The following LEKR1 variants were observed in gnomAD, a reference collection of about 807,000 sequenced individuals.
LEKR1 encodes protein LEKR1.
Under a neutral mutation model 72.4 loss-of-function variants are expected in LEKR1, and 59 were observed. The observed-to-expected ratio is 0.82, with a 90% CI of 0.66 to 1.01. The LOEUF is 1.01. Ranked by LOEUF, LEKR1 falls within the 50% of genes least tolerant of loss-of-function variation. The pLI, the probability that LEKR1 is intolerant of heterozygous loss-of-function variation, is 0.00. For missense variants in LEKR1, 728 were observed against 759.2 expected (o/e 0.96, Z 0.48); for synonymous variants, 257 against 263.2 (o/e 0.98, Z 0.23).
intron 6 of LEKR1, among the ~76,000 whole-genome samples, chr3:156,947,267 C>G (rs992342652): frequency 3.3e-5 from 5 of 151,096 alleles, no homozygotes; most frequent in Admixed American, 6.6e-5. Context: ...ACTGCTTTTG[C>G]TGGATCCCAT....
chr3:156,859,458 G>C (rs1277419082), intron 3 of LEKR1, among the ~76,000 whole-genome samples: 1 of 151,988 alleles, frequency 6.6e-6, no homozygotes, highest in African/African-American at 2.4e-5. Context: ...ATTTTTTAGA[G>C]CAGTTTTAAG....
chr3:157,040,820 G>A (rs1735288389), intron 12 of LEKR1, among the ~76,000 whole-genome samples: 1 of 152,120 alleles, frequency 6.6e-6, no homozygotes, highest in Non-Finnish European at 1.5e-5. Flanking sequence ...TTGCTTTCCT[G>A]GCATGTTCCC....
intron 3 of LEKR1, among the ~76,000 whole-genome samples, chr3:156,893,078 T>C (rs1219727460): frequency 6.6e-6 from 1 of 152,214 alleles, no homozygotes; most frequent in African/African-American, 2.4e-5. Flanking sequence ...GATTATGCCT[T>C]GGCTGTCAAG....
chr3:156,966,995 G>A (rs973151017), intron 6 of LEKR1, among the ~76,000 whole-genome samples: 13 of 152,250 alleles, frequency 8.5e-5, no homozygotes, highest in Admixed American at 2.0e-4. Flanking sequence ...TGCAGCCTCC[G>A]CTGCTGATAC....
rs79247940 is a variant in LEKR1 at position 156,921,167 on chromosome 3, C to T, written c.383+473C>T. On this transcript the variant is annotated intron_variant, in intron 4 of 12. Coordinates refer to ENST00000356539, the MANE Select transcript of LEKR1 (RefSeq NM_001004316.3). ...TATAATACCTAAAGATAAAATCCAG[C>T]GTTCTAAAGAAACTAAGAAGTACAT... is the stretch of plus-strand genomic sequence containing the variant. 8.3e-3 allele frequency: 1,269 copies of T among 152,068 alleles called. 6 individuals carry two copies. Among genetic ancestry groups the T allele is most frequent in the Non-Finnish European group, 0.012 (830 of 67,972 alleles). 9.4% of individuals were successfully genotyped at this position (152,068 alleles called of 1,614,324 possible).
intron 7 of LEKR1, among the ~76,000 whole-genome samples, chr3:156,982,837 A>ATG: frequency 7.0e-6 from 1 of 143,056 alleles, no homozygotes; most frequent in African/African-American, 2.8e-5. Flanking sequence ...ATATATATGA[A>ATG]TATGTGTGTG....
chr3:157,038,048 T>C (rs1735088573), intron 12 of LEKR1, among the ~76,000 whole-genome samples: 1 of 152,180 alleles, frequency 6.6e-6, no homozygotes, highest in African/African-American at 2.4e-5. Context: ...CTAGGTGTGA[T>C]AGAAAGCCAC....
At chr3:157,025,046 T>C in intron 11 of LEKR1, 122 bp downstream of exon 11, 1 of 638,410 alleles carries the variant, frequency 1.6e-6, no homozygotes, top group Non-Finnish European at 2.6e-6. Flanking sequence ...CACTGTGTCT[T>C]GGTTTTAGCT....
At chr3:156,958,161 T>C (rs535450435) in intron 6 of LEKR1, among the ~76,000 whole-genome samples, 1 of 152,156 alleles carries the variant, frequency 6.6e-6, no homozygotes. Flanking sequence ...TTGGTTTTTT[T>C]GTTTTGTTTT....
At chr3:157,044,897 G>C (rs1279166444) in intron 12 of LEKR1, among the ~76,000 whole-genome samples, 1 of 152,038 alleles carries the variant, frequency 6.6e-6, no homozygotes, top group East Asian at 1.9e-4. Flanking sequence ...TGTTATTATA[G>C]TATACCTTCA....
At chr3:157,032,959 A>G (rs1734723564) in intron 12 of LEKR1, among the ~76,000 whole-genome samples, 1 of 152,112 alleles carries the variant, frequency 6.6e-6, no homozygotes, top group African/African-American at 2.4e-5. Context: ...TTTCATTATT[A>G]TTATATCTGT....
At chr3:156,920,044 C>T (rs868400135) in intron 3 of LEKR1, among the ~76,000 whole-genome samples, 3 of 152,038 alleles carry the variant, frequency 2.0e-5, no homozygotes, top group African/African-American at 7.2e-5. Context: ...TGCCCCTTTC[C>T]ACTTTCTGCC....
At position 157,045,469 on chromosome 3, in the gene LEKR1, T is replaced by C; in HGVS notation, c.1798T>C (p.Cys600Arg). Residue 600 changes from cysteine (C) to arginine (R), a missense_variant, in exon 13 of 13, where the codon TGT (cysteine) becomes CGT (arginine). Transcript: ENST00000356539. ...TCGTGGAAGTTTACCATTCTCACCG[T>C]GTTCCCTCAGCAAGGGCAGCCTAAC... ...KLRGSLPFSPCSLSKGSLTSP... is the reference protein window; with the variant it reads ...KLRGSLPFSPRSLSKGSLTSP... 1 of 1,614,168 alleles carries C rather than the reference T, an allele frequency of 6.2e-7. No individual in the cohort carries two copies. Among genetic ancestry groups the C allele is most frequent in the Non-Finnish European group, 8.5e-7 (1 of 1,180,014 alleles).
At chr3:156,886,033 T>C (rs935085297) in intron 3 of LEKR1, among the ~76,000 whole-genome samples, 2 of 152,180 alleles carry the variant, frequency 1.3e-5, no homozygotes, top group African/African-American at 4.8e-5. Flanking sequence ...AGAGTTTCTG[T>C]GTTTTGTGTT....
chr3:156,932,528 C>A (rs1002551887), intron 5 of LEKR1, among the ~76,000 whole-genome samples: 2 of 152,006 alleles, frequency 1.3e-5, no homozygotes, highest in Non-Finnish European at 2.9e-5. Flanking sequence ...GCCTGGGCAA[C>A]ATGGCAAAGC....
chr3:156,988,954 C>A (rs1429347038), intron 7 of LEKR1, among the ~76,000 whole-genome samples: 2 of 152,082 alleles, frequency 1.3e-5, no homozygotes, highest in Non-Finnish European at 2.9e-5. Context: ...GCCTCAGCCT[C>A]CCGAGTAGCT....
chr3:156,896,168 G>C (rs143895897), intron 3 of LEKR1, among the ~76,000 whole-genome samples: 25 of 152,246 alleles, frequency 1.6e-4, no homozygotes, highest in African/African-American at 4.3e-4. Context: ...GAGAACACAT[G>C]GGGGGAAAGA....
chr3:156,868,614 T>C (rs1717575003), intron 3 of LEKR1, among the ~76,000 whole-genome samples: 1 of 152,046 alleles, frequency 6.6e-6, no homozygotes, highest in Non-Finnish European at 1.5e-5. Context: ...GAATGTGTAA[T>C]GATCAAGTCA....
intron 6 of LEKR1, among the ~76,000 whole-genome samples, chr3:156,946,399 G>A (rs1294271131): frequency 6.6e-6 from 1 of 151,400 alleles, no homozygotes; most frequent in Non-Finnish European, 1.5e-5. Context: ...AGGATAATTT[G>A]ACTTCTTCCT....
Sources: gnomAD v4.1 joint callset for allele counts (sites outside exome capture counted in the v4.1 genomes callset) on GRCh38, gnomAD v4.1.1 for gene constraint, MANE v1.5 for transcripts, NCBI Gene and HGNC (gene_info 2026-07-23, HGNC 2026-07-21) for gene names.